ZSCAN26: variants seen among roughly 807,000 people sequenced by gnomAD.
ZSCAN26 encodes the protein zinc finger and SCAN domain-containing protein 26.
Under a neutral mutation model 23.0 loss-of-function variants are expected in ZSCAN26, and 26 were observed. The observed-to-expected ratio is 1.13, with a 90% CI of 0.83 to 1.57. ZSCAN26 has a LOEUF of 1.57. Ranked by LOEUF, ZSCAN26 falls within the 40% of genes most tolerant of loss-of-function variation. The pLI is 0.00. For synonymous variants in ZSCAN26, 180 were observed against 202.5 expected (o/e 0.89, Z 0.94); for missense variants, 528 against 568.5 (o/e 0.93, Z 0.72).
rs895872313 is a variant in ZSCAN26, at chr6:28,277,877, A to G, written c.*781A>G. 6.6e-6 allele frequency: 1 copy of G among 152,254 alleles called. No homozygotes were observed. The highest frequency in any genetic ancestry group is 2.4e-5 in the African/African-American group (1 of 41,474). 9.4% of individuals were successfully genotyped at this position (152,254 alleles called of 1,614,324 possible). A position where few individuals can be genotyped will look rare whatever the true frequency, so the allele number is the denominator to read the frequency against. ...GACTTGATAACTCCAGTGCCAGTAT[A>G]GTGGCTGCTGCATAGACACTATTCA... On this transcript the variant is annotated 3_prime_UTR_variant, in exon 4 of 4. Coordinates refer to ENST00000421553, the MANE Select transcript of ZSCAN26 (RefSeq NM_001023560.4).
intron 2 of ZSCAN26, 93 bp downstream of exon 2, chr6:28,272,432 C>T: frequency 7.2e-7 from 1 of 1,379,716 alleles, no homozygotes; most frequent in Non-Finnish European, 9.7e-7. Context: ...AGGAGAATTA[C>T]TAAGCTTTGA....
rs1004270021 is a variant in ZSCAN26, at chr6:28,271,838, G to A, written c.-66-16G>A. 2.4e-6 allele frequency: 3 copies of A among 1,243,196 alleles called. No individual in the cohort carries two copies. In the Admixed American group the frequency reaches 8.4e-5, roughly 35 times the overall value. 77.0% of individuals were successfully genotyped at this position (1,243,196 alleles called of 1,614,324 possible). A position where few individuals can be genotyped will look rare whatever the true frequency, so the allele number is the denominator to read the frequency against. On this transcript the variant is annotated splice_polypyrimidine_tract_variant and intron_variant, in intron 1 of 3. Coordinates refer to ENST00000421553, the MANE Select transcript of ZSCAN26 (RefSeq NM_001023560.4). ...TACTATTACTGTTTCTGTCACTCTT[G>A]TTACTATAATTTTAGGAGTGTCTCT...
intron 2 of ZSCAN26, 99 bp from the exon 3 acceptor site, chr6:28,272,571 T>C: frequency 9.0e-7 from 1 of 1,116,572 alleles, no homozygotes; most frequent in Non-Finnish European, 1.3e-6. Context: ...CTGGGGTTTC[T>C]CTTTCTTCTC....
chr6:28,276,113 A>G, intron 3 of ZSCAN26, 82 bp from the exon 4 acceptor site: 1 of 1,268,406 alleles, frequency 7.9e-7, no homozygotes, highest in Non-Finnish European at 1.1e-6. Flanking sequence ...GCTTCATTAT[A>G]TTTTTTTTTC....
chr6:28,276,436 C>T lies in ZSCAN26; in HGVS notation c.780C>T (p.Cys260=), dbSNP rs1224452707. The T allele has an allele frequency of 2.5e-6, 4 of 1,613,822 alleles. No homozygotes were observed. Among genetic ancestry groups the T allele is most frequent in the African/African-American group, 1.3e-5 (1 of 74,916 alleles). ...HASTHTGKKL[C]ESDVCQSSSL... is the part of the protein sequence containing the mutation. Reference sequence around the variant, plus strand: ...GTACACACACGGGAAAGAAACTCTGCGAGTCTGATGTGTGTCAGAGTTCCA... The same window carrying T: ...GTACACACACGGGAAAGAAACTCTGTGAGTCTGATGTGTGTCAGAGTTCCA... Residue 260 remains cysteine (C), a synonymous_variant, in exon 4 of 4, where the codon TGC becomes TGT. Coordinates refer to ENST00000421553, the MANE Select transcript of ZSCAN26 (RefSeq NM_001023560.4).
At chr6:28,274,675 G>T (rs189779331) in intron 3 of ZSCAN26, among the ~76,000 whole-genome samples, 118 of 152,330 alleles carry the variant, frequency 7.7e-4, no homozygotes, top group African/African-American at 2.7e-3. Flanking sequence ...AGGAGTTCAA[G>T]ACTGCAGTGA....
rs1249385868 is a variant in ZSCAN26, at chr6:28,272,728, G to A, written c.479G>A (p.Gly160Glu). 17 of 1,613,418 alleles carry A rather than the reference G, an allele frequency of 1.1e-5. No individual in the cohort carries two copies. The highest frequency in any genetic ancestry group is 1.4e-5 in the Non-Finnish European group (17 of 1,179,728). ...GTGGAGGAGATGGCCCCTCTGAAAG[G>A]AGTACAGGAACAGCAGGTTCGGCAT... ...ILVEEMAPLK[G>E]VQEQQVRHEC... is the part of the protein sequence containing the mutation. The change falls in exon 3 of 4, where the codon GGA becomes GAA. Residue 160 changes from glycine to glutamate, a missense_variant. Physicochemically the swap from Gly to Glu is moderately conservative, Grantham distance 98. Transcript: ENST00000421553.
chr6:28,272,426 G>A, intron 2 of ZSCAN26, 87 bp downstream of exon 2: 1 of 1,389,364 alleles, frequency 7.2e-7, no homozygotes, highest in South Asian at 1.5e-5. Context: ...AGCGGAAGGA[G>A]AATTACTAAG....
chr6:28,271,826 T>C, intron 1 of ZSCAN26, 28 bp from the exon 2 acceptor site: 4 of 1,124,162 alleles, frequency 3.6e-6, no homozygotes, highest in Non-Finnish European at 5.0e-6. Context: ...TATTACTGTT[T>C]CTGTCACTCT....
At chr6:28,273,472 C>T (rs1206981109) in intron 3 of ZSCAN26, among the ~76,000 whole-genome samples, 1 of 151,904 alleles carries the variant, frequency 6.6e-6, no homozygotes, top group African/African-American at 2.4e-5. Flanking sequence ...ATCCAGGAGG[C>T]TGAGATTGCA....
chr6:28,271,294 A>G (rs1761671983), intron 1 of ZSCAN26, among the ~76,000 whole-genome samples: 1 of 152,044 alleles, frequency 6.6e-6, no homozygotes. Flanking sequence ...CAACAGCTTT[A>G]TGGTGTCTTT....
At chr6:28,276,100 A>G (rs1761916559) in intron 3 of ZSCAN26, 95 bp from the exon 4 acceptor site, 1 of 1,152,682 alleles carries the variant, frequency 8.7e-7, no homozygotes, top group East Asian at 2.4e-5. Context: ...CTTTGCACAC[A>G]TGGCTTCATT....
chr6:28,269,762 A>G (rs1346628558), intron 1 of ZSCAN26, among the ~76,000 whole-genome samples: 1 of 152,192 alleles, frequency 6.6e-6, no homozygotes, highest in Non-Finnish European at 1.5e-5. Flanking sequence ...AGGCCCACCA[A>G]CATTATGGAG....
rs761111611 is a variant in ZSCAN26 at position 28,272,068 on chromosome 6, T to G, written c.149T>G (p.Leu50Trp). 10 of 1,561,324 alleles carry G rather than the reference T, an allele frequency of 6.4e-6. No individual in the cohort carries two copies. Among genetic ancestry groups the G allele is most frequent in the Admixed American group, 1.9e-5 (1 of 51,668 alleles). The change falls in exon 2 of 4, where the codon TTG becomes TGG. Residue 50 changes from leucine (L) to tryptophan (W), a missense_variant. Transcript: ENST00000421553. Reference protein sequence around the residue: ...GNSKGLGQEPLCKQFRQLRYE... With the variant: ...GNSKGLGQEPWCKQFRQLRYE... ...AGTAAAGGCCTTGGACAGGAGCCAT[T>G]GTGCAAACAATTCAGGCAGTTGCGT... is the stretch of plus-strand genomic sequence containing the variant.
rs758848192 is a variant in ZSCAN26 at position 28,276,408 on chromosome 6, C to A, written c.752C>A (p.Ala251Glu). 1.4e-5 allele frequency: 23 copies of A among 1,613,836 alleles called. No homozygotes were observed. The highest frequency in any genetic ancestry group is 1.9e-5 in the Non-Finnish European group (22 of 1,179,882). Residue 251 changes from alanine to glutamate, a missense_variant, in exon 4 of 4, where the codon GCG (alanine) becomes GAG (glutamate). Physicochemically the swap from Ala to Glu is moderately radical, Grantham distance 107. Coordinates refer to ENST00000421553, the MANE Select transcript of ZSCAN26 (RefSeq NM_001023560.4). ...CAGCACTTGGACCTGATTGAACATGCGAGTACACACACGGGAAAGAAACTC... is the reference window on the plus strand; with the variant it reads ...CAGCACTTGGACCTGATTGAACATGAGAGTACACACACGGGAAAGAAACTC... ...FIQHLDLIEH[A>E]STHTGKKLCE...
chr6:28,270,239 T>C (rs1000293759), intron 1 of ZSCAN26, among the ~76,000 whole-genome samples: 2 of 152,222 alleles, frequency 1.3e-5, no homozygotes, highest in African/African-American at 4.8e-5. Flanking sequence ...AGAAAAATAA[T>C]TATCAGCTGG....
In ZSCAN26 at chr6:28,277,188, A is replaced by G; in HGVS notation, c.*92A>G. On this transcript the variant is annotated 3_prime_UTR_variant, in exon 4 of 4. Transcript: ENST00000421553. Reference sequence around the variant, plus strand: ...AGTCACCGTAGCCCACTGTGGCATCAGAAAATTCTTGGGGGCTGAGTTGGA... The same window carrying G: ...AGTCACCGTAGCCCACTGTGGCATCGGAAAATTCTTGGGGGCTGAGTTGGA... 1 of 1,383,314 alleles carries G rather than the reference A, an allele frequency of 7.2e-7. No homozygotes were observed. The highest frequency in any genetic ancestry group is 1.4e-5 in the South Asian group (1 of 71,328). 85.7% of individuals were successfully genotyped at this position (1,383,314 alleles called of 1,614,324 possible).
At chr6:28,268,187 G>T (rs1233286735) in intron 1 of ZSCAN26, among the ~76,000 whole-genome samples, 10 of 152,028 alleles carry the variant, frequency 6.6e-5, no homozygotes, top group African/African-American at 2.4e-4. Context: ...TTGTGTGAGG[G>T]TTAAATAATT....
intron 1 of ZSCAN26, among the ~76,000 whole-genome samples, chr6:28,269,394 A>G (rs16893889): frequency 0.3 from 45,718 of 152,000 alleles, 8,286 homozygotes; most frequent in African/African-American, 0.49. Flanking sequence ...TAGGGTATCT[A>G]TATCGGTAAA....
Sources: allele counts gnomAD v4.1 joint callset (sites outside exome capture counted in the v4.1 genomes callset), GRCh38; gene constraint gnomAD v4.1.1; transcripts MANE v1.5; gene names NCBI Gene and HGNC (gene_info 2026-07-23, HGNC 2026-07-21).